CDKL1: variants seen among roughly 807,000 people sequenced by gnomAD.
CDKL1 encodes cyclin dependent kinase like 1, also known as cyclin-dependent kinase-like 1.
A neutral mutation model predicts 42.0 loss-of-function variants in CDKL1; 41 were observed. That is an observed-to-expected ratio of 0.98 (90% CI 0.76 to 1.27). The LOEUF (loss-of-function observed/expected upper bound fraction) is 1.27. Ranked by LOEUF, CDKL1 falls within the 50% of genes most tolerant of loss-of-function variation. CDKL1 has a pLI of 0.00. For missense variants in CDKL1, 394 were observed against 428.4 expected (o/e 0.92, Z 0.71); for synonymous variants, 153 against 158.6 (o/e 0.96, Z 0.26).
intron 5 of CDKL1, among the ~76,000 whole-genome samples, chr14:50,341,843 T>C (rs971968539): frequency 2.6e-5 from 4 of 152,006 alleles, no homozygotes; most frequent in African/African-American, 7.3e-5. Context: ...AAAGCCACTA[T>C]TCTAAAGTAG....
At chr14:50,363,570 T>G (rs903135094) in intron 2 of CDKL1, among the ~76,000 whole-genome samples, 3 of 152,236 alleles carry the variant, frequency 2.0e-5, no homozygotes, top group Admixed American at 6.5e-5. Context: ...TCACACTATT[T>G]GCTCCCTTGA....
At chr14:50,341,343 C>T (rs1047974186) in intron 5 of CDKL1, 111 bp from the exon 6 acceptor site, 29 of 1,384,508 alleles carry the variant, frequency 2.1e-5, no homozygotes, top group South Asian at 1.8e-4. Context: ...CTTTCTATAT[C>T]GCTGGTTCTC....
At chr14:50,339,107 G>T in intron 6 of CDKL1, 78 bp from the exon 7 acceptor site, 1 of 1,006,018 alleles carries the variant, frequency 9.9e-7, no homozygotes, top group Non-Finnish European at 1.6e-6. Context: ...TCAATGCTGT[G>T]TTTGTCTGTG....
intron 4 of CDKL1, 89 bp downstream of exon 4, chr14:50,344,897 C>G: frequency 2.7e-6 from 3 of 1,108,210 alleles, no homozygotes; most frequent in Non-Finnish European, 4.0e-6. Flanking sequence ...AAAATTTTAC[C>G]CACAGAAGTG....
intron 2 of CDKL1, chr14:50,378,071 T>C (rs955760502): frequency 1.9e-6 from 2 of 1,037,422 alleles, no homozygotes; most frequent in Non-Finnish European, 2.6e-6. Context: ...GATAGGGACA[T>C]CTACGAGAAA....
At chr14:50,363,155 C>T (rs1011449878) in intron 2 of CDKL1, 1 of 239,196 alleles carries the variant, frequency 4.2e-6, no homozygotes, top group African/African-American at 2.2e-5. Flanking sequence ...GGAAGAAACT[C>T]AACACATCCG....
At chr14:50,368,462 C>A (rs1329749045) in intron 2 of CDKL1, among the ~76,000 whole-genome samples, 1 of 152,066 alleles carries the variant, frequency 6.6e-6, no homozygotes, top group East Asian at 1.9e-4. Context: ...CAGTGTCTCA[C>A]TATGTTGCCC....
At chr14:50,358,890 T>C in intron 3 of CDKL1, 138 bp downstream of exon 3, 2 of 749,822 alleles carry the variant, frequency 2.7e-6, no homozygotes, top group South Asian at 3.7e-5. Context: ...TCCACCCGTC[T>C]AGGCCTCCCA....
intron 8 of CDKL1, chr14:50,334,151 C>T (rs535092694): frequency 6.5e-6 from 1 of 153,626 alleles, no homozygotes; most frequent in South Asian, 2.1e-4. Flanking sequence ...ATATACTTTT[C>T]CAAGGAGAAT....
At chr14:50,370,591 C>G (rs1467802564) in intron 2 of CDKL1, among the ~76,000 whole-genome samples, 1 of 152,124 alleles carries the variant, frequency 6.6e-6, no homozygotes, top group Non-Finnish European at 1.5e-5. Context: ...ATACCTGAGA[C>G]TGGGTAATTT....
At chr14:50,378,562 C>T in intron 2 of CDKL1, 1 of 674,036 alleles carries the variant, frequency 1.5e-6, no homozygotes, top group Non-Finnish European at 2.1e-6. Flanking sequence ...GAGACAGGGT[C>T]ATAATCTGTC....
intron 3 of CDKL1, among the ~76,000 whole-genome samples, chr14:50,346,657 T>TTG (rs200323076): frequency 0.23 from 33,325 of 144,490 alleles, 4,489 homozygotes; most frequent in African/African-American, 0.33. Flanking sequence ...TTTTGGTTTT[T>TTG]TTTTTTTTTT....
intron 2 of CDKL1, among the ~76,000 whole-genome samples, chr14:50,386,508 T>C (rs1301762451): frequency 2.0e-5 from 3 of 152,172 alleles, no homozygotes; most frequent in African/African-American, 7.2e-5. Flanking sequence ...TAGCGAAGGG[T>C]ATGCAGGTAT....
chr14:50,349,030 G>A (rs1459579309), intron 3 of CDKL1, among the ~76,000 whole-genome samples: 2 of 152,054 alleles, frequency 1.3e-5, no homozygotes, highest in Non-Finnish European at 2.9e-5. Context: ...TTTTTTCTGA[G>A]GCAGAAAAGG....
rs781330668 is a variant in CDKL1, at chr14:50,345,062, A to G, written c.291-4T>C. The G allele has an allele frequency of 5.6e-6, 9 of 1,613,432 alleles. No homozygotes were observed. Among genetic ancestry groups the G allele is most frequent in the Non-Finnish European group, 7.6e-6 (9 of 1,179,644 alleles). On this transcript the variant is annotated splice_region_variant and splice_polypyrimidine_tract_variant and intron_variant, in intron 3 of 9. Coordinates refer to ENST00000395834, the MANE Select transcript of CDKL1 (RefSeq NM_004196.7). The stretch of plus-strand genomic sequence containing the variant: ...CTTCACGAGATGTTCTGGTACCCTA[A>G]TAAAAATAAAGCAGCACAAACACAT...
intron 7 of CDKL1, chr14:50,335,627 C>T: frequency 1.3e-6 from 2 of 1,529,582 alleles, no homozygotes; most frequent in Non-Finnish European, 1.8e-6. Context: ...ATACCACTGA[C>T]AAAGGCTAAT....
At chr14:50,355,431 A>G (rs1346091093) in intron 3 of CDKL1, among the ~76,000 whole-genome samples, 1 of 152,256 alleles carries the variant, frequency 6.6e-6, no homozygotes, top group Admixed American at 6.5e-5. Flanking sequence ...AGAGTACTTC[A>G]TAATCTCTTT....
In CDKL1 at chr14:50,341,157, G is replaced by C. The variant is rs369709753; in HGVS notation, c.530C>G (p.Thr177Arg). Residue 177 changes from threonine to arginine, a missense_variant, in exon 6 of 10, where the codon ACG (threonine) becomes AGG (arginine). Thr to Arg is a moderately conservative substitution (Grantham distance 71). Coordinates refer to ENST00000395834, the MANE Select transcript of CDKL1 (RefSeq NM_004196.7). ...YRSPELLVGDTQYGPPVDVWA... is the reference protein window; with the variant it reads ...YRSPELLVGDRQYGPPVDVWA... Reference sequence around the variant, plus strand: ...AACATCCACCGGGGGGCCGTACTGCGTGTCCCCCACCAGCAGCTCAGGGGA... The same window carrying C: ...AACATCCACCGGGGGGCCGTACTGCCTGTCCCCCACCAGCAGCTCAGGGGA... The C allele has an allele frequency of 1.2e-6, 2 of 1,614,056 alleles. No homozygotes were observed. Among genetic ancestry groups the C allele is most frequent in the Non-Finnish European group, 1.7e-6 (2 of 1,180,036 alleles).
At chr14:50,333,456 A>T (rs2139364047) in intron 8 of CDKL1, 1 of 152,302 alleles carries the variant, frequency 6.6e-6, no homozygotes, top group South Asian at 2.1e-4. Context: ...CCCAGAAGTT[A>T]CCCTAAATAG....
Sources: gnomAD v4.1 joint callset for allele counts (sites outside exome capture counted in the v4.1 genomes callset) on GRCh38, gnomAD v4.1.1 for gene constraint, MANE v1.5 for transcripts, NCBI Gene and HGNC (gene_info 2026-07-23, HGNC 2026-07-21) for gene names.